SLC4A4: variants seen among roughly 807,000 people sequenced by gnomAD.
SLC4A4 encodes the protein electrogenic sodium bicarbonate cotransporter 1.
SLC4A4 carries 27 observed loss-of-function variants against 111.5 expected under a neutral mutation model. That is an observed-to-expected ratio of 0.24 (90% CI 0.18 to 0.33). The LOEUF is 0.33. Among genes scored for constraint, SLC4A4 ranks in the 10% least tolerant of loss-of-function variants. SLC4A4 has a pLI of 1.00. For synonymous variants in SLC4A4, 443 were observed against 463.4 expected (o/e 0.96, Z 0.57); for missense variants, 909 against 1,315.5 (o/e 0.69, Z 4.78).
At chr4:71,392,948 C>T (rs1045368248) in intron 6 of SLC4A4, among the ~76,000 whole-genome samples, 1 of 152,052 alleles carries the variant, frequency 6.6e-6, no homozygotes, top group African/African-American at 2.4e-5. Flanking sequence ...GCAGAAAAAG[C>T]ATTCAACAAA....
At chr4:71,401,418 AC>A (rs1720354154) in intron 7 of SLC4A4, among the ~76,000 whole-genome samples, 2 of 152,160 alleles carry the variant, frequency 1.3e-5, no homozygotes, top group South Asian at 4.1e-4. Context: ...GCAGAAAAAC[AC>A]CTGTGGAGAA....
chr4:71,127,362 G>T (rs1578505323), intron 2 of SLC4A4, among the ~76,000 whole-genome samples: 1 of 152,172 alleles, frequency 6.6e-6, no homozygotes, highest in Non-Finnish European at 1.5e-5. Context: ...AATGTTTAGA[G>T]GCATTTGGTG....
chr4:71,466,407 T>A (rs1727319077), intron 12 of SLC4A4, 37 bp from the exon 13 acceptor site: 1 of 1,611,936 alleles, frequency 6.2e-7, no homozygotes, highest in Admixed American at 1.7e-5. Flanking sequence ...AGAAAAAAGA[T>A]GTGTTTCATT....
chr4:71,505,522 T>G (rs1731340627), intron 16 of SLC4A4, among the ~76,000 whole-genome samples: 1 of 152,070 alleles, frequency 6.6e-6, no homozygotes, highest in Non-Finnish European at 1.5e-5. Flanking sequence ...TCTTTTCATG[T>G]CCTCTGCCCA....
chr4:71,544,791 A>G (rs1735368413), intron 18 of SLC4A4, among the ~76,000 whole-genome samples: 1 of 152,058 alleles, frequency 6.6e-6, no homozygotes, highest in Non-Finnish European at 1.5e-5. Context: ...ACTTATTACT[A>G]GGTGAGAAGC....
chr4:71,529,971 A>G (rs1316858617), intron 16 of SLC4A4, among the ~76,000 whole-genome samples: 1 of 152,054 alleles, frequency 6.6e-6, no homozygotes, highest in Non-Finnish European at 1.5e-5. Flanking sequence ...TCATAGGACC[A>G]TCTTTTGCCA....
intron 7 of SLC4A4, among the ~76,000 whole-genome samples, chr4:71,438,394 A>G (rs1724365122): frequency 6.6e-6 from 1 of 152,230 alleles, no homozygotes; most frequent in Non-Finnish European, 1.5e-5. Flanking sequence ...TTACAATGTG[A>G]TAATAAGACT....
At chr4:71,104,023 A>G (rs1742840416) in intron 2 of SLC4A4, among the ~76,000 whole-genome samples, 1 of 90,742 alleles carries the variant, frequency 1.1e-5, no homozygotes, top group Admixed American at 1.3e-4. Flanking sequence ...ATAGACCGCT[A>G]GCAAGACTAA....
intron 7 of SLC4A4, among the ~76,000 whole-genome samples, chr4:71,407,301 T>C (rs1287686248): frequency 1.3e-5 from 2 of 152,314 alleles, no homozygotes; most frequent in Non-Finnish European, 2.9e-5. Context: ...GCCACAATGA[T>C]TAAAATACTC....
chr4:71,458,496 C>T (rs1429454222), intron 12 of SLC4A4, among the ~76,000 whole-genome samples: 2 of 151,932 alleles, frequency 1.3e-5, no homozygotes, highest in Non-Finnish European at 2.9e-5. Context: ...ATCCTATTTT[C>T]ACAAACCTTT....
chr4:71,214,922 T>G (rs929006404), intron 1 of SLC4A4, among the ~76,000 whole-genome samples: 2 of 152,248 alleles, frequency 1.3e-5, no homozygotes, highest in Admixed American at 6.5e-5. Flanking sequence ...TTATGCAGCT[T>G]TATGCATTCT....
intron 1 of SLC4A4, among the ~76,000 whole-genome samples, chr4:71,067,776 TCTCACTTTG>T (rs1741560648): frequency 6.6e-6 from 1 of 151,322 alleles, no homozygotes; most frequent in Non-Finnish European, 1.5e-5. Context: ...GAGTTGGGGG[TCTCACTTTG>T]CTGCCCAGTC....
At chr4:71,175,073 T>G (rs1745047612) in intron 2 of SLC4A4, among the ~76,000 whole-genome samples, 1 of 152,258 alleles carries the variant, frequency 6.6e-6, no homozygotes, top group Admixed American at 6.5e-5. Flanking sequence ...TCAGGTAGGC[T>G]TCTGTTTAAA....
chr4:71,401,399 A>G (rs1720352822), intron 7 of SLC4A4, among the ~76,000 whole-genome samples: 1 of 152,220 alleles, frequency 6.6e-6, no homozygotes, highest in African/African-American at 2.4e-5. Context: ...TGGATGTTAT[A>G]TTTATTAAGC....
chr4:71,402,206 A>G (rs1216189674), intron 7 of SLC4A4, among the ~76,000 whole-genome samples: 6 of 152,188 alleles, frequency 3.9e-5, no homozygotes, highest in African/African-American at 1.4e-4. Flanking sequence ...TTGCTAAGCC[A>G]TAACTATCTT....
At chr4:71,466,318 C>A in intron 12 of SLC4A4, 126 bp from the exon 13 acceptor site, 1 of 1,040,964 alleles carries the variant, frequency 9.6e-7, no homozygotes, top group Non-Finnish European at 1.4e-6. Flanking sequence ...CTTTGTTCTT[C>A]ATTCTTGATA....
chr4:71,284,285 ATC>A (rs560049994), intron 3 of SLC4A4, among the ~76,000 whole-genome samples: 4 of 152,296 alleles, frequency 2.6e-5, no homozygotes, highest in South Asian at 4.1e-4. Flanking sequence ...AGTCCAGCTA[ATC>A]TCTCTGTCAC....
chr4:71,323,991 G>A, intron 3 of SLC4A4, among the ~76,000 whole-genome samples: 1 of 151,930 alleles, frequency 6.6e-6, no homozygotes, highest in East Asian at 1.9e-4. Context: ...CCCCTTCCAG[G>A]TGTTTTTTTG....
chr4:71,142,515 TTTTG>T (rs565399041), intron 2 of SLC4A4, among the ~76,000 whole-genome samples: 53 of 152,248 alleles, frequency 3.5e-4, no homozygotes, highest in African/African-American at 1.2e-3. Flanking sequence ...CTTTCTTTCT[TTTTG>T]TTTGTTTGTT....
Sources: allele counts gnomAD v4.1 joint callset (sites outside exome capture counted in the v4.1 genomes callset), GRCh38; gene constraint gnomAD v4.1.1; transcripts MANE v1.5; gene names NCBI Gene and HGNC (gene_info 2026-07-23, HGNC 2026-07-21).